The following KIRREL3 variants were observed in gnomAD, a reference collection of about 807,000 sequenced individuals.
KIRREL3 encodes the protein kirre like nephrin family adhesion molecule 3.
A neutral mutation model predicts 89.7 loss-of-function variants in KIRREL3; 36 were observed. The ratio of observed to expected loss-of-function variants is 0.40; its 90% confidence interval spans 0.31 to 0.53. The LOEUF (loss-of-function observed/expected upper bound fraction) is 0.53, where lower values mean the gene tolerates loss of function less well. Ranked by LOEUF, KIRREL3 falls within the 20% of genes least tolerant of loss-of-function variation. The pLI, the probability that KIRREL3 is intolerant of heterozygous loss-of-function variation, is 0.49. For missense variants in KIRREL3, 864 were observed against 1,056.6 expected (o/e 0.82, Z 2.53); for synonymous variants, 445 against 441.4 (o/e 1.01, Z -0.10).
intron 1 of KIRREL3, among the ~76,000 whole-genome samples, chr11:126,665,895 A>G (rs914827454): frequency 1.3e-5 from 2 of 152,228 alleles, no homozygotes; most frequent in African/African-American, 4.8e-5. Flanking sequence ...TAAAACTGGA[A>G]TCATAATAGA....
In KIRREL3 at chr11:126,844,109, G is replaced by C. The variant is rs1944054664; in HGVS notation, c.55+156346C>G. Among the ~76,000 whole-genome samples, 1 of 152,074 alleles carries C rather than the reference G, an allele frequency of 6.6e-6. No individual in the cohort carries two copies. Among genetic ancestry groups the C allele is most frequent in the Admixed American group, 6.6e-5 (1 of 15,258 alleles). On this transcript the variant is annotated intron_variant, in intron 1 of 16. Coordinates refer to ENST00000525144, the MANE Select transcript of KIRREL3 (RefSeq NM_032531.4). This position sits in a 1 kb window ranked among gnomAD's most constrained non-coding sequence, Gnocchi z 4.8. ...AGAACCCTCTTTTGGAGTCTGGATG[G>C]GGACCCCTTTCCAGTAACATCTTCC... is the stretch of plus-strand genomic sequence containing the variant.
chr11:126,446,687 C>T, intron 9 of KIRREL3, 72 bp downstream of exon 9: 2 of 1,472,076 alleles, frequency 1.4e-6, no homozygotes, highest in East Asian at 2.5e-5. Context: ...GGGGCCTGGG[C>T]AGCAGTTCCT....
At position 126,587,598 on chromosome 11, in the gene KIRREL3, G is replaced by A. The variant is rs1941929033; in HGVS notation, c.56-24686C>T. Among the ~76,000 whole-genome samples, 1 of 152,184 alleles carries A rather than the reference G, an allele frequency of 6.6e-6. No homozygotes were observed. ...TGCACCCAAACTGAAAGAGGAGCAC[G>A]CAGCACCAATCCCTGAATCAAAATA... On this transcript the variant is annotated intron_variant, in intron 1 of 16. Transcript: ENST00000525144. This position sits in a 1 kb window ranked among gnomAD's most constrained non-coding sequence, Gnocchi z 5.2.
Position 126,806,401 on chromosome 11 carries a change from G to T in KIRREL3, c.55+194054C>A, listed in dbSNP as rs539813283. 9.2e-5 allele frequency among the ~76,000 whole-genome samples: 14 copies of T among 152,306 alleles called. No individual in the cohort carries two copies. In the East Asian group the frequency reaches 2.5e-3, roughly 27 times the overall value. On this transcript the variant is annotated intron_variant, in intron 1 of 16. Transcript: ENST00000525144. ...AGATCTCTATCTGTAAACTAGGTGG[G>T]TTGGCAGGAGAATTAGTCCTCTTCA...
At chr11:126,921,389 TTGTATCTATCTATCTA>T (rs1947271237) in intron 1 of KIRREL3, among the ~76,000 whole-genome samples, 2 of 137,040 alleles carry the variant, frequency 1.5e-5, no homozygotes, top group African/African-American at 5.4e-5. Context: ...TCATCCTGTC[TTGTATCTATCTATCTA>T]TCTATCTATC....
intron 1 of KIRREL3, among the ~76,000 whole-genome samples, chr11:126,966,955 C>G (rs893920029): frequency 1.3e-5 from 2 of 152,146 alleles, no homozygotes; most frequent in African/African-American, 2.4e-5. Context: ...TGCAGAAGAC[C>G]TAGCCCTAAA....
In KIRREL3 at chr11:126,694,372, C is replaced by T. The variant is rs1947002548; in HGVS notation, c.56-131460G>A. On this transcript the variant is annotated intron_variant, in intron 1 of 16. Coordinates refer to ENST00000525144, the MANE Select transcript of KIRREL3 (RefSeq NM_032531.4). The surrounding 1 kb of genome is among the most constrained non-coding windows in gnomAD (Gnocchi z 4.4). The stretch of plus-strand genomic sequence containing the variant: ...GTGAGCGTGCACCGGAGTTGTGTCT[C>T]CCCTGGCTGTGGGGCTGTCTGGACT... Among the ~76,000 whole-genome samples, 1 of 152,296 alleles carries T rather than the reference C, an allele frequency of 6.6e-6. No homozygotes were observed. The highest frequency in any genetic ancestry group is 1.9e-4 in the East Asian group (1 of 5,178).
At position 126,601,831 on chromosome 11, in the gene KIRREL3, G is replaced by A. The variant is rs868074014; in HGVS notation, c.56-38919C>T. 2.6e-5 allele frequency among the ~76,000 whole-genome samples: 4 copies of A among 152,130 alleles called. No individual in the cohort carries two copies. Among genetic ancestry groups the A allele is most frequent in the African/African-American group, 4.8e-5 (2 of 41,424 alleles). On this transcript the variant is annotated intron_variant, in intron 1 of 16. Transcript: ENST00000525144. This position sits in a 1 kb window ranked among gnomAD's most constrained non-coding sequence, Gnocchi z 5.8. ...GCTCCATTCCCTCGTGCCATCTCCC[G>A]TTTTTAAGGACTGGACTAAAGGTGG...
intron 1 of KIRREL3, among the ~76,000 whole-genome samples, chr11:126,670,247 C>T (rs970524598): frequency 1.3e-5 from 2 of 152,130 alleles, no homozygotes; most frequent in Admixed American, 6.6e-5. Context: ...TTGACCAAAT[C>T]GAATGGCTGT....
In KIRREL3 at chr11:126,684,806, T is replaced by C. The variant is rs1281649597; in HGVS notation, c.56-121894A>G. On this transcript the variant is annotated intron_variant, in intron 1 of 16. Transcript: ENST00000525144. This position sits in a 1 kb window ranked among gnomAD's most constrained non-coding sequence, Gnocchi z 4.2. ...CTAAAGAAAGGAAAGGTGCGGCAGG[T>C]TGCGTGTGCGGGAGGGGAGAGGTAG... Among the ~76,000 whole-genome samples the C allele has an allele frequency of 6.6e-6, 1 of 152,082 alleles. No homozygotes were observed. The highest frequency in any genetic ancestry group is 1.9e-4 in the East Asian group (1 of 5,188).
intron 2 of KIRREL3, among the ~76,000 whole-genome samples, chr11:126,543,272 T>A (rs373720517): frequency 6.6e-6 from 1 of 152,110 alleles, no homozygotes; most frequent in Admixed American, 6.6e-5. Context: ...TGGAAGCCCC[T>A]TGAAAGGATG....
chr11:126,526,755 C>G lies in KIRREL3; in HGVS notation c.134-68G>C. On this transcript the variant is annotated intron_variant, in intron 2 of 16. Coordinates refer to ENST00000525144, the MANE Select transcript of KIRREL3 (RefSeq NM_032531.4). This position sits in a 1 kb window ranked among gnomAD's most constrained non-coding sequence, Gnocchi z 5.7. Reference sequence around the variant, plus strand: ...CAGGGGCGAGAAGGCTCCCCTCCAGCTATGGAAGCAGAGCAGGGCTGGCGC... The same window carrying G: ...CAGGGGCGAGAAGGCTCCCCTCCAGGTATGGAAGCAGAGCAGGGCTGGCGC... 1 of 1,497,458 alleles carries G rather than the reference C, an allele frequency of 6.7e-7. No homozygotes were observed. The highest frequency in any genetic ancestry group is 9.1e-7 in the Non-Finnish European group (1 of 1,104,898). 92.8% of individuals were successfully genotyped at this position (1,497,458 alleles called of 1,614,324 possible).
intron 1 of KIRREL3, among the ~76,000 whole-genome samples, chr11:126,889,491 T>C (rs1217085743): frequency 6.6e-6 from 1 of 152,176 alleles, no homozygotes; most frequent in Non-Finnish European, 1.5e-5. Flanking sequence ...TTAAAAATTG[T>C]TCTTCTTGGA....
At chr11:126,446,284 TC>T (rs1449092278) in intron 9 of KIRREL3, among the ~76,000 whole-genome samples, 12 of 95,706 alleles carry the variant, frequency 1.3e-4, no homozygotes, top group African/African-American at 3.9e-4. Context: ...CTTTTCTTTC[TC>T]CTTTCTTTCT....
At chr11:126,426,928 C>G (rs908387786) in intron 15 of KIRREL3, among the ~76,000 whole-genome samples, 7 of 152,196 alleles carry the variant, frequency 4.6e-5, no homozygotes, top group African/African-American at 1.7e-4. Flanking sequence ...CCCCTTCTTG[C>G]AGATGGGGCT....
At chr11:126,450,358 T>C (rs1955997393) in intron 7 of KIRREL3, among the ~76,000 whole-genome samples, 2 of 150,776 alleles carry the variant, frequency 1.3e-5, no homozygotes, top group Non-Finnish European at 3.0e-5. Context: ...TCCATGTGCA[T>C]GTGTGCATGT....
chr11:126,831,858 T>A (rs1362633749), intron 1 of KIRREL3, among the ~76,000 whole-genome samples: 1 of 152,196 alleles, frequency 6.6e-6, no homozygotes, highest in Non-Finnish European at 1.5e-5. Context: ...AATGACAAGA[T>A]CATACTCTTG....
chr11:126,730,043 G>A (rs79021545), intron 1 of KIRREL3, among the ~76,000 whole-genome samples: 3,713 of 152,100 alleles, frequency 0.024, 149 homozygotes, highest in African/African-American at 0.084. Context: ...CTCAGTCCCC[G>A]TCCTGACTCT....
chr11:126,730,062 TC>T (rs1322936720), intron 1 of KIRREL3, among the ~76,000 whole-genome samples: 2 of 152,174 alleles, frequency 1.3e-5, no homozygotes, highest in African/African-American at 2.4e-5. Flanking sequence ...CTCATTCCTG[TC>T]CCCAGCCACT....
Sources: allele counts gnomAD v4.1 joint callset (sites outside exome capture counted in the v4.1 genomes callset), GRCh38; gene constraint gnomAD v4.1.1; non-coding constraint Gnocchi (gnomAD v3.1); transcripts MANE v1.5; gene names NCBI Gene and HGNC (gene_info 2026-07-23, HGNC 2026-07-21).